Variants in NECAB1 observed in about 807,000 individuals in gnomAD.
NECAB1 encodes the protein N-terminal EF-hand calcium-binding protein 1.
Under a neutral mutation model 57.5 loss-of-function variants are expected in NECAB1, and 29 were observed. The ratio of observed to expected loss-of-function variants is 0.50; its 90% CI spans 0.38 to 0.69. NECAB1 has a LOEUF of 0.69. Among genes scored for constraint, NECAB1 ranks in the 30% least tolerant of loss-of-function variants. The probability of loss-of-function intolerance (pLI) is 0.00; values close to 1 mark genes in which losing one functional copy is unlikely to be tolerated. For missense variants in NECAB1, 372 were observed against 413.8 expected (o/e 0.90, Z 0.88); for synonymous variants, 142 against 147.7 (o/e 0.96, Z 0.28).
chr8:90,808,528 G>C (rs1331570999), intron 2 of NECAB1, among the ~76,000 whole-genome samples: 1 of 151,904 alleles, frequency 6.6e-6, no homozygotes, highest in East Asian at 1.9e-4. Flanking sequence ...AGACTTGTTG[G>C]AAAATTAAAT....
intron 2 of NECAB1, among the ~76,000 whole-genome samples, chr8:90,813,438 AT>A (rs1339783831): frequency 2.0e-4 from 30 of 152,016 alleles, no homozygotes; most frequent in Admixed American, 1.3e-4. Context: ...AGTATAACTA[AT>A]TTTGCCATGT....
chr8:90,890,031 A>G (rs1480242298), intron 5 of NECAB1, among the ~76,000 whole-genome samples: 1 of 152,048 alleles, frequency 6.6e-6, no homozygotes, highest in Non-Finnish European at 1.5e-5. Flanking sequence ...CCCTCCATTT[A>G]TATCTACCCC....
At chr8:90,811,820 C>A (rs957397117) in intron 2 of NECAB1, among the ~76,000 whole-genome samples, 6 of 152,176 alleles carry the variant, frequency 3.9e-5, no homozygotes, top group African/African-American at 1.4e-4. Flanking sequence ...GAGAGAATTT[C>A]TCCTTTACAT....
chr8:90,939,396 G>A (rs1810616404), intron 9 of NECAB1, among the ~76,000 whole-genome samples: 1 of 152,176 alleles, frequency 6.6e-6, no homozygotes, highest in African/African-American at 2.4e-5. Flanking sequence ...AGGGAAAATA[G>A]AATCCATGTC....
intron 3 of NECAB1, among the ~76,000 whole-genome samples, chr8:90,842,803 G>T (rs1170180747): frequency 1.3e-5 from 2 of 152,196 alleles, no homozygotes; most frequent in African/African-American, 4.8e-5. Context: ...TGTGCCTTGA[G>T]TTTCACTAAA....
At chr8:90,863,860 T>C (rs1390642398) in intron 3 of NECAB1, among the ~76,000 whole-genome samples, 1 of 152,160 alleles carries the variant, frequency 6.6e-6, no homozygotes, top group African/African-American at 2.4e-5. Flanking sequence ...TTTTATTCCA[T>C]ATTGTGCTAA....
chr8:90,884,702 CA>C (rs948420619), intron 5 of NECAB1, among the ~76,000 whole-genome samples: 5 of 152,252 alleles, frequency 3.3e-5, no homozygotes, highest in South Asian at 2.1e-4. Context: ...AGAGCAACCA[CA>C]AAAAATACTT....
chr8:90,901,638 C>T (rs1809505320), intron 5 of NECAB1, among the ~76,000 whole-genome samples: 1 of 152,162 alleles, frequency 6.6e-6, no homozygotes, highest in African/African-American at 2.4e-5. Flanking sequence ...TTCAGTGGTT[C>T]CTTCTAGCTC....
intron 9 of NECAB1, among the ~76,000 whole-genome samples, chr8:90,937,421 T>A (rs749057180): frequency 1.1e-4 from 16 of 152,048 alleles, no homozygotes; most frequent in Non-Finnish European, 2.1e-4. Context: ...AAGGAATACT[T>A]CCAAAATGAC....
At chr8:90,828,924 C>T (rs1812264345) in intron 3 of NECAB1, among the ~76,000 whole-genome samples, 1 of 151,960 alleles carries the variant, frequency 6.6e-6, no homozygotes, top group African/African-American at 2.4e-5. Context: ...TCTGAAGTAA[C>T]CTGAAGGATA....
Position 90,904,900 on chromosome 8 carries a change from T to C in NECAB1, c.358-12592T>C, listed in dbSNP as rs186407872. 5.9e-4 allele frequency among the ~76,000 whole-genome samples: 89 copies of C among 151,992 alleles called. No individual in the cohort carries two copies. The East Asian group carries it at 0.015, about 26-fold the overall frequency. Reference sequence around the variant, plus strand: ...ACTTATCTATATGAAAACAAAAGAGTTAAATTCTGAATCCATACACAAAAA... The same window carrying C: ...ACTTATCTATATGAAAACAAAAGAGCTAAATTCTGAATCCATACACAAAAA... On this transcript the variant is annotated intron_variant, in intron 5 of 12. Coordinates refer to ENST00000417640, the MANE Select transcript of NECAB1 (RefSeq NM_022351.5).
At chr8:90,851,711 G>A (rs1218061991) in intron 3 of NECAB1, among the ~76,000 whole-genome samples, 1 of 152,036 alleles carries the variant, frequency 6.6e-6, no homozygotes, top group African/African-American at 2.4e-5. Context: ...TGCACATCCT[G>A]CCCCATTATT....
intron 3 of NECAB1, among the ~76,000 whole-genome samples, chr8:90,836,404 T>G (rs1185297047): frequency 2.0e-5 from 3 of 152,238 alleles, no homozygotes; most frequent in African/African-American, 7.2e-5. Flanking sequence ...GTTATTGTTC[T>G]TGTCTCATTC....
intron 2 of NECAB1, among the ~76,000 whole-genome samples, chr8:90,815,957 T>A (rs916722771): frequency 2.6e-5 from 4 of 151,980 alleles, no homozygotes; most frequent in Admixed American, 6.6e-5. Flanking sequence ...TAGATAAGAA[T>A]GTACCAAAAT....
At chr8:90,918,785 A>G (rs574797772) in intron 6 of NECAB1, among the ~76,000 whole-genome samples, 22 of 151,996 alleles carry the variant, frequency 1.4e-4, no homozygotes, top group African/African-American at 5.3e-4. Flanking sequence ...ATTGGACAGT[A>G]ATTTCTCTGG....
chr8:90,852,035 T>C (rs1478151956), intron 3 of NECAB1, among the ~76,000 whole-genome samples: 1 of 151,960 alleles, frequency 6.6e-6, no homozygotes, highest in Non-Finnish European at 1.5e-5. Context: ...AATGAATCAA[T>C]ATAATTTTGT....
Position 90,908,133 on chromosome 8 carries a change from T to C in NECAB1, c.358-9359T>C, listed in dbSNP as rs552686003. Among the ~76,000 whole-genome samples the C allele has an allele frequency of 2.1e-4, 32 of 152,308 alleles. 1 individual carries two copies. The highest frequency in any genetic ancestry group is 8.5e-4 in the Admixed American group (13 of 15,284). ...ACATATTATAGGACTGTGGTTAAAA[T>C]AGAACTATCCATCTGACACATATAC... On this transcript the variant is annotated intron_variant, in intron 5 of 12. Coordinates refer to ENST00000417640, the MANE Select transcript of NECAB1 (RefSeq NM_022351.5).
At chr8:90,917,845 T>TATATATATATAA (rs1809995730) in intron 6 of NECAB1, among the ~76,000 whole-genome samples, 1 of 78,252 alleles carries the variant, frequency 1.3e-5, no homozygotes, top group Admixed American at 1.4e-4. Context: ...GTAAACTATA[T>TATATATATATAA]ATATATATAT....
chr8:90,816,149 T>G (rs1812057945), intron 2 of NECAB1, among the ~76,000 whole-genome samples: 1 of 151,998 alleles, frequency 6.6e-6, no homozygotes, highest in South Asian at 2.1e-4. Flanking sequence ...GTCATCTGCA[T>G]GTCTTCTTTG....
Sources: gnomAD v4.1 joint callset for allele counts (sites outside exome capture counted in the v4.1 genomes callset) on GRCh38, gnomAD v4.1.1 for gene constraint, MANE v1.5 for transcripts, NCBI Gene and HGNC (gene_info 2026-07-23, HGNC 2026-07-21) for gene names.